The following OPHN1 variants were observed in gnomAD, a reference collection of about 807,000 sequenced individuals.
OPHN1 encodes oligophrenin-1.
Under a neutral mutation model 60.7 loss-of-function variants are expected in OPHN1, and 11 were observed. That is an observed-to-expected ratio of 0.18 (90% CI 0.11 to 0.30). The LOEUF (loss-of-function observed/expected upper bound fraction) is 0.30. OPHN1 is among the 10% of genes least tolerant of loss of function. The probability of loss-of-function intolerance (pLI) is 1.00; values close to 1 mark genes in which losing one functional copy is unlikely to be tolerated. For missense variants in OPHN1, 449 were observed against 611.0 expected (o/e 0.73, Z 2.80); for synonymous variants, 226 against 222.6 (o/e 1.02, Z -0.14).
chrX:68,267,215 C>T (rs930521378), intron 5 of OPHN1, among the ~76,000 whole-genome samples: 4 of 111,547 alleles, frequency 3.6e-5, no homozygotes, highest in African/African-American at 1.3e-4. Flanking sequence ...CCCAAATCAA[C>T]AGAATATACA....
At position 68,257,733 on chromosome X, in the gene OPHN1, A is replaced by G. The variant is rs998362698; in HGVS notation, c.384+17005T>C. 7.2e-5 allele frequency among the ~76,000 whole-genome samples: 8 copies of G among 111,612 alleles called. No individual in the cohort carries two copies. In the Admixed American group the frequency reaches 7.7e-4, roughly 11 times the overall value. ...TTTTCAGTTACACTAGTAACCTTTCAAGTATGTAGTAGCTACACGTTGCTA... is the reference window on the plus strand; with the variant it reads ...TTTTCAGTTACACTAGTAACCTTTCGAGTATGTAGTAGCTACACGTTGCTA... On this transcript the variant is annotated intron_variant, in intron 5 of 24. Coordinates refer to ENST00000355520, the MANE Select transcript of OPHN1 (RefSeq NM_002547.3).
intron 2 of OPHN1, among the ~76,000 whole-genome samples, chrX:68,388,781 C>A (rs1466750585): frequency 9.0e-6 from 1 of 111,002 alleles, no homozygotes; most frequent in Non-Finnish European, 1.9e-5. Flanking sequence ...CACATGAGTT[C>A]TTTATACTAT....
chrX:68,305,210 T>C (rs1412412527), intron 2 of OPHN1, among the ~76,000 whole-genome samples: 2 of 110,245 alleles, frequency 1.8e-5, no homozygotes, highest in East Asian at 5.7e-4. Flanking sequence ...GAGAACCCCA[T>C]CTCTAGAAAA....
At chrX:68,337,597 C>G (rs954949490) in intron 2 of OPHN1, among the ~76,000 whole-genome samples, 1 of 111,077 alleles carries the variant, frequency 9.0e-6, no homozygotes, top group African/African-American at 3.3e-5. Context: ...AATGATCCTC[C>G]TGCCTTAGCT....
intron 22 of OPHN1, 77 bp from the exon 23 acceptor site, chrX:68,052,667 G>A: frequency 1.1e-6 from 1 of 936,302 alleles, no homozygotes; most frequent in Non-Finnish European, 1.5e-6. Flanking sequence ...AGAAAGGACA[G>A]GAGACTCTGA....
intron 20 of OPHN1, among the ~76,000 whole-genome samples, chrX:68,067,657 A>C (rs2076917995): frequency 9.0e-6 from 1 of 111,497 alleles, no homozygotes. Context: ...AGAAGGATCC[A>C]AACTAGAGCT....
intron 2 of OPHN1, among the ~76,000 whole-genome samples, chrX:68,350,344 CCTTT>C (rs1199069031): frequency 5.4e-5 from 6 of 110,142 alleles, no homozygotes; most frequent in Non-Finnish European, 1.1e-4. Flanking sequence ...GAAGAGCCTG[CCTTT>C]CTTTCTTTTT....
At chrX:68,079,004 T>C (rs1293381433) in intron 19 of OPHN1, among the ~76,000 whole-genome samples, 1 of 108,006 alleles carries the variant, frequency 9.3e-6, no homozygotes, top group East Asian at 2.9e-4. Flanking sequence ...AATAAATAAA[T>C]AAATAAATAA....
chrX:68,415,752 T>G (rs997916118), intron 2 of OPHN1, among the ~76,000 whole-genome samples: 4 of 111,088 alleles, frequency 3.6e-5, no homozygotes, highest in African/African-American at 1.3e-4. Context: ...TGGTGGCCCA[T>G]GCCTGTAATC....
At chrX:68,255,240 T>C (rs776499347) in intron 5 of OPHN1, among the ~76,000 whole-genome samples, 2 of 110,510 alleles carry the variant, frequency 1.8e-5, no homozygotes, top group Non-Finnish European at 3.8e-5. Context: ...TACAGTTAAA[T>C]TTATAAATTA....
intron 2 of OPHN1, among the ~76,000 whole-genome samples, chrX:68,367,762 GGTGA>G (rs1464132067): frequency 9.0e-6 from 1 of 111,480 alleles, no homozygotes; most frequent in Admixed American, 9.6e-5. Flanking sequence ...TTCTTGGGCT[GGTGA>G]GTGAGTTCTC....
At chrX:68,111,154 T>A (rs911682272) in intron 18 of OPHN1, among the ~76,000 whole-genome samples, 2 of 112,411 alleles carry the variant, frequency 1.8e-5, no homozygotes, top group Non-Finnish European at 3.8e-5. Flanking sequence ...CTGTCCCTGG[T>A]CACAAAATGA....
intron 2 of OPHN1, among the ~76,000 whole-genome samples, chrX:68,399,102 G>C (rs2078700273): frequency 9.1e-6 from 1 of 110,043 alleles, no homozygotes; most frequent in Admixed American, 9.9e-5. Flanking sequence ...AGCCATCTTT[G>C]ATATCTCCAT....
chrX:68,130,081 A>G (rs1371510282), intron 15 of OPHN1, among the ~76,000 whole-genome samples: 4 of 111,555 alleles, frequency 3.6e-5, no homozygotes, highest in Non-Finnish European at 7.6e-5. Flanking sequence ...TGTGTGTCCT[A>G]AGTAAAGAAA....
chrX:68,056,972 G>C (rs2076875621), intron 21 of OPHN1, among the ~76,000 whole-genome samples: 1 of 111,813 alleles, frequency 8.9e-6, no homozygotes, highest in Non-Finnish European at 1.9e-5. Flanking sequence ...CAGTTGTTCT[G>C]TTCCAGGTAC....
chrX:68,351,074 G>T (rs909210511), intron 2 of OPHN1, among the ~76,000 whole-genome samples: 1 of 110,713 alleles, frequency 9.0e-6, no homozygotes, highest in African/African-American at 3.3e-5. Context: ...GATTACAGGC[G>T]AGCACCACCA....
intron 6 of OPHN1, among the ~76,000 whole-genome samples, chrX:68,223,403 C>A (rs981276277): frequency 1.8e-5 from 2 of 112,287 alleles, no homozygotes; most frequent in African/African-American, 3.2e-5. Context: ...AAAATAATGT[C>A]TTTTACAGAA....
chrX:68,058,439 G>A (rs1477633714), intron 21 of OPHN1, among the ~76,000 whole-genome samples: 1 of 111,790 alleles, frequency 8.9e-6, no homozygotes, highest in African/African-American at 3.3e-5. Flanking sequence ...TCAAGGGAGA[G>A]CTAACTGGGG....
intron 3 of OPHN1, among the ~76,000 whole-genome samples, chrX:68,286,751 C>T (rs1172223005): frequency 2.7e-5 from 3 of 111,558 alleles, no homozygotes; most frequent in Non-Finnish European, 5.6e-5. Context: ...TGTGGTGGCT[C>T]ACACCTGTAA....
Sources: allele counts gnomAD v4.1 joint callset (sites outside exome capture counted in the v4.1 genomes callset), GRCh38; gene constraint gnomAD v4.1.1; transcripts MANE v1.5; gene names NCBI Gene and HGNC (gene_info 2026-07-23, HGNC 2026-07-21).